The following SNX2 variants were observed in gnomAD, a reference collection of about 807,000 sequenced individuals.
The protein encoded by SNX2 is sorting nexin-2.
A neutral mutation model predicts 69.9 loss-of-function variants in SNX2; 25 were observed. The observed-to-expected ratio is 0.36, with a 90% CI of 0.26 to 0.50. The LOEUF is 0.50. Among genes scored for constraint, SNX2 ranks in the 20% least tolerant of loss-of-function variants. SNX2 has a pLI of 0.97. For synonymous variants in SNX2, 229 were observed against 200.4 expected (o/e 1.14, Z -1.20); for missense variants, 551 against 613.3 (o/e 0.90, Z 1.07).
intron 1 of SNX2, among the ~76,000 whole-genome samples, chr5:122,779,607 G>A (rs970457454): frequency 7.9e-5 from 12 of 152,170 alleles, no homozygotes; most frequent in African/African-American, 2.9e-4. Flanking sequence ...CAGCTATTGT[G>A]AATAATGCCG....
intron 1 of SNX2, among the ~76,000 whole-genome samples, chr5:122,777,212 C>T (rs942523527): frequency 6.6e-6 from 1 of 152,138 alleles, no homozygotes; most frequent in African/African-American, 2.4e-5. Flanking sequence ...GATGCCTGTG[C>T]CTCACTGGAA....
At chr5:122,797,319 AAG>A (rs907204034) in intron 2 of SNX2, among the ~76,000 whole-genome samples, 13 of 152,264 alleles carry the variant, frequency 8.5e-5, no homozygotes, top group African/African-American at 2.4e-4. Context: ...GTTTTAAAAA[AAG>A]AGAGAGATGG....
intron 6 of SNX2, among the ~76,000 whole-genome samples, chr5:122,807,209 C>T (rs1753679163): frequency 6.6e-6 from 1 of 151,930 alleles, no homozygotes; most frequent in Admixed American, 6.6e-5. Context: ...CTGCAGTGAA[C>T]CGTGATCATG....
chr5:122,777,245 T>C (rs997099487), intron 1 of SNX2, among the ~76,000 whole-genome samples: 3 of 152,228 alleles, frequency 2.0e-5, no homozygotes, highest in African/African-American at 7.2e-5. Context: ...ATAAGTGTTC[T>C]AGATCCGTGT....
chr5:122,818,335 TTA>T (rs1753947113), intron 10 of SNX2, among the ~76,000 whole-genome samples: 1 of 152,172 alleles, frequency 6.6e-6, no homozygotes. Flanking sequence ...ACAGTAAAAT[TTA>T]TGTTAATTGT....
chr5:122,776,980 A>G (rs913087199), intron 1 of SNX2, among the ~76,000 whole-genome samples: 1 of 152,048 alleles, frequency 6.6e-6, no homozygotes, highest in African/African-American at 2.4e-5. Context: ...TATTTAATGT[A>G]CTCATTTAGG....
chr5:122,826,316 C>G (rs1055091039), intron 12 of SNX2, 123 bp downstream of exon 12: 31 of 806,720 alleles, frequency 3.8e-5, no homozygotes, highest in Non-Finnish European at 5.6e-5. Context: ...TTTTTATGAA[C>G]TGTGTTAGAA....
chr5:122,776,837 A>G (rs1262207777), intron 1 of SNX2, among the ~76,000 whole-genome samples: 1 of 152,218 alleles, frequency 6.6e-6, no homozygotes, highest in Non-Finnish European at 1.5e-5. Flanking sequence ...CCATGTGAAT[A>G]AAACTTTAAA....
intron 1 of SNX2, among the ~76,000 whole-genome samples, chr5:122,782,020 A>T (rs976313434): frequency 6.6e-6 from 1 of 152,210 alleles, no homozygotes; most frequent in African/African-American, 2.4e-5. Flanking sequence ...AGAAATCAGC[A>T]AAAGCTAAAA....
chr5:122,814,828 C>G (rs1270212046), intron 7 of SNX2, among the ~76,000 whole-genome samples: 1 of 151,902 alleles, frequency 6.6e-6, no homozygotes, highest in Non-Finnish European at 1.5e-5. Flanking sequence ...CGGCTCACTC[C>G]AACCTCCACC....
At chr5:122,778,111 A>T (rs1026853233) in intron 1 of SNX2, among the ~76,000 whole-genome samples, 1 of 152,328 alleles carries the variant, frequency 6.6e-6, no homozygotes, top group Non-Finnish European at 1.5e-5. Context: ...ACTTAACATA[A>T]TGTCCTCCAA....
chr5:122,829,552 A>T, intron 14 of SNX2, 46 bp from the exon 15 acceptor site: 1 of 1,495,102 alleles, frequency 6.7e-7, no homozygotes, highest in Non-Finnish European at 9.3e-7. Flanking sequence ...CATATAAATG[A>T]CAAAAAGGTA....
intron 7 of SNX2, among the ~76,000 whole-genome samples, chr5:122,814,911 G>A (rs1342219646): frequency 6.6e-6 from 1 of 151,902 alleles, no homozygotes; most frequent in African/African-American, 2.4e-5. Context: ...CACTGCGCCC[G>A]GCTAATTTTT....
intron 11 of SNX2, among the ~76,000 whole-genome samples, chr5:122,823,510 C>T (rs951631642): frequency 2.0e-5 from 3 of 152,022 alleles, no homozygotes; most frequent in South Asian, 2.1e-4. Context: ...ATGGAAAAGC[C>T]GGTTGATGTA....
chr5:122,810,687 A>G (rs1333779247), intron 7 of SNX2, among the ~76,000 whole-genome samples: 1 of 152,192 alleles, frequency 6.6e-6, no homozygotes, highest in African/African-American at 2.4e-5. Context: ...GGAGAGTTTT[A>G]AGGGATATTG....
At chr5:122,810,938 C>T (rs188294877) in intron 7 of SNX2, among the ~76,000 whole-genome samples, 2 of 152,254 alleles carry the variant, frequency 1.3e-5, no homozygotes, top group East Asian at 3.9e-4. Context: ...GCTAATTTTC[C>T]TGTACACATT....
At chr5:122,827,085 C>CA (rs1311217955) in intron 12 of SNX2, among the ~76,000 whole-genome samples, 1 of 151,994 alleles carries the variant, frequency 6.6e-6, no homozygotes, top group Non-Finnish European at 1.5e-5. Context: ...ATTTTATGCC[C>CA]AAAATCTTTC....
chr5:122,802,707 A>T lies in SNX2; in HGVS notation c.501+583A>T, dbSNP rs1253955995. Among the ~76,000 whole-genome samples the T allele has an allele frequency of 2.0e-5, 3 of 152,320 alleles. No homozygotes were observed. In the East Asian group the frequency reaches 5.8e-4, roughly 29 times the overall value. On this transcript the variant is annotated intron_variant, in intron 5 of 14. Transcript: ENST00000379516. ...AAAGGGACACTGCAATGATTAAAGGATTGTATGCCTTTAAATATTAAAAGA... is the reference window on the plus strand; with the variant it reads ...AAAGGGACACTGCAATGATTAAAGGTTTGTATGCCTTTAAATATTAAAAGA...
At chr5:122,821,537 G>C (rs987279387) in intron 11 of SNX2, among the ~76,000 whole-genome samples, 1 of 151,594 alleles carries the variant, frequency 6.6e-6, no homozygotes, top group Non-Finnish European at 1.5e-5. Flanking sequence ...CTCATTGCAG[G>C]CTCCGCCTCC....
Sources: gnomAD v4.1 joint callset for allele counts (sites outside exome capture counted in the v4.1 genomes callset) on GRCh38, gnomAD v4.1.1 for gene constraint, MANE v1.5 for transcripts, NCBI Gene and HGNC (gene_info 2026-07-23, HGNC 2026-07-21) for gene names.